RFC1: variants seen among roughly 807,000 people sequenced by gnomAD.
RFC1 encodes the protein A1 140 kDa subunit.
In RFC1, 37 loss-of-function variants were observed where a neutral mutation model predicts 137.4. The observed-to-expected ratio is 0.27, with a 90% confidence interval of 0.21 to 0.35. The LOEUF (loss-of-function observed/expected upper bound fraction) is 0.35, where lower values mean the gene tolerates loss of function less well. Among genes scored for constraint, RFC1 ranks in the 10% least tolerant of loss-of-function variants. The probability of loss-of-function intolerance (pLI) is 1.00; values close to 1 mark genes in which losing one functional copy is unlikely to be tolerated. For synonymous variants in RFC1, 429 were observed against 455.7 expected (o/e 0.94, Z 0.75); for missense variants, 1,205 against 1,358.5 (o/e 0.89, Z 1.78).
At chr4:39,359,735 T>C (rs890598806) in intron 1 of RFC1, among the ~76,000 whole-genome samples, 1 of 149,892 alleles carries the variant, frequency 6.7e-6, no homozygotes, top group Admixed American at 6.7e-5. Flanking sequence ...GGCAGGAGAA[T>C]GGCATGAACC....
At chr4:39,292,686 G>GTGGTGTGCAGT (rs1737751656) in intron 22 of RFC1, among the ~76,000 whole-genome samples, 1 of 151,602 alleles carries the variant, frequency 6.6e-6, no homozygotes, top group Non-Finnish European at 1.5e-5. Context: ...TTGTTGCCCA[G>GTGGTGTGCAGT]GCTGGTGTGC....
At chr4:39,358,872 A>C (rs1045192095) in intron 1 of RFC1, among the ~76,000 whole-genome samples, 2 of 152,192 alleles carry the variant, frequency 1.3e-5, no homozygotes, top group Admixed American at 1.3e-4. Context: ...ACTTAACCCC[A>C]GTACCACTTA....
At chr4:39,364,657 A>G (rs1741931789) in intron 1 of RFC1, among the ~76,000 whole-genome samples, 2 of 152,208 alleles carry the variant, frequency 1.3e-5, no homozygotes, top group Admixed American at 1.3e-4. Flanking sequence ...CCTTTCTGAG[A>G]AAATAGATCA....
intron 2 of RFC1, among the ~76,000 whole-genome samples, chr4:39,350,238 C>A (rs1741116900): frequency 6.6e-6 from 1 of 151,824 alleles, no homozygotes; most frequent in Non-Finnish European, 1.5e-5. Context: ...ATGAACAAGG[C>A]TCAATGATCC....
At chr4:39,306,784 A>C in intron 13 of RFC1, 83 bp from the exon 14 acceptor site, 1 of 766,526 alleles carries the variant, frequency 1.3e-6, no homozygotes, top group Non-Finnish European at 2.3e-6. Flanking sequence ...TTATGCCTAA[A>C]CTTCACATAG....
chr4:39,360,835 G>C (rs534972819), intron 1 of RFC1, among the ~76,000 whole-genome samples: 1 of 152,116 alleles, frequency 6.6e-6, no homozygotes, highest in African/African-American at 2.4e-5. Context: ...GCTGCAGAGC[G>C]GTTGACAAAA....
chr4:39,347,424 C>T (rs1332743253), intron 2 of RFC1, among the ~76,000 whole-genome samples: 2 of 152,198 alleles, frequency 1.3e-5, no homozygotes. Context: ...AACATCAGCT[C>T]TACCAATTCT....
intron 22 of RFC1, among the ~76,000 whole-genome samples, chr4:39,294,757 C>T (rs570434893): frequency 6.6e-6 from 1 of 152,096 alleles, no homozygotes; most frequent in Non-Finnish European, 1.5e-5. Context: ...AATCTCAACA[C>T]TTTGGGAGGC....
At chr4:39,298,269 T>C (rs1047557370) in intron 21 of RFC1, among the ~76,000 whole-genome samples, 2 of 137,682 alleles carry the variant, frequency 1.5e-5, no homozygotes, top group African/African-American at 5.2e-5. Context: ...GATCACACCA[T>C]TGCATTCCAG....
Position 39,295,757 on chromosome 4 carries a change from G to T in RFC1, c.2811C>A (p.Ala937=). 6.2e-7 allele frequency: 1 copy of T among 1,601,332 alleles called. No individual in the cohort carries two copies. The highest frequency in any genetic ancestry group is 8.5e-7 in the Non-Finnish European group (1 of 1,175,690). ...KQNWSLLPAQ[A]IYASVLPGEL... ...CTCCAGGAAGAACACTGGCATAAAT[G>T]GCCTGAAAAAAAATCAATTGCAGTC... is the stretch of plus-strand genomic sequence containing the variant. Residue 937 remains alanine, a splice_region_variant and synonymous_variant, in exon 22 of 25, where the codon GCC becomes GCA. Transcript: ENST00000349703.
chr4:39,340,019 A>C (rs2109725108), intron 4 of RFC1, among the ~76,000 whole-genome samples: 1 of 152,338 alleles, frequency 6.6e-6, no homozygotes, highest in Non-Finnish European at 1.5e-5. Flanking sequence ...TTAGACCCTA[A>C]GTCAGACCCT....
In RFC1 at chr4:39,323,443, T is replaced by C. The variant is rs55925552; in HGVS notation, c.643-26A>G. ...CTGTAAAATGTGTCAGCAAAGTGAGTTGAGTTGCTCTTTTTCTTTTCGTAA... is the reference window on the plus strand; with the variant it reads ...CTGTAAAATGTGTCAGCAAAGTGAGCTGAGTTGCTCTTTTTCTTTTCGTAA... On this transcript the variant is annotated intron_variant, in intron 6 of 24. Coordinates refer to ENST00000349703, the MANE Select transcript of RFC1 (RefSeq NM_002913.5). 53 of 1,596,382 alleles carry C rather than the reference T, an allele frequency of 3.3e-5. No individual in the cohort carries two copies. In the East Asian group the frequency reaches 4.7e-4, roughly 14 times the overall value.
At chr4:39,293,482 G>A (rs1372712281) in intron 22 of RFC1, among the ~76,000 whole-genome samples, 1 of 152,052 alleles carries the variant, frequency 6.6e-6, no homozygotes, top group Non-Finnish European at 1.5e-5. Context: ...TCCCAAAAAG[G>A]TTACAAACCA....
chr4:39,302,942 A>G, intron 16 of RFC1, 68 bp from the exon 17 acceptor site: 1 of 1,518,728 alleles, frequency 6.6e-7, no homozygotes, highest in Non-Finnish European at 9.1e-7. Context: ...AAGCTATTTT[A>G]GGTTCTAAAA....
rs375946576 is a variant in RFC1, at chr4:39,306,501, T to C, written c.1995+91A>G. The C allele has an allele frequency of 3.2e-5, 22 of 677,114 alleles. No homozygotes were observed. Among genetic ancestry groups the C allele is most frequent in the Middle Eastern group, 3.7e-4 (1 of 2,720 alleles). The allele number at this position is 677,114 out of a possible 1,614,324, so 41.9% of individuals were successfully genotyped here. A position where few individuals can be genotyped will look rare whatever the true frequency, so the allele number is the denominator to read the frequency against. On this transcript the variant is annotated intron_variant, in intron 14 of 24. Transcript: ENST00000349703. The stretch of plus-strand genomic sequence containing the variant: ...TATATATAGACACCACACACACACA[T>C]GCACACGCACAGATGTGGGTACACA...
In RFC1 at chr4:39,320,466, A is replaced by G; in HGVS notation, c.1012T>C (p.Ser338Pro). Residue 338 changes from serine to proline, a missense_variant, in exon 9 of 25, where the codon TCA (serine) becomes CCA (proline). By Grantham distance (74) the Ser-to-Pro change is moderately conservative. Coordinates refer to ENST00000349703, the MANE Select transcript of RFC1 (RefSeq NM_002913.5). ...SSYKEIEPVA[S>P]KRKENAIKLK... The stretch of plus-strand genomic sequence containing the variant: ...TTAATGGCATTTTCTTTTCTTTTTG[A>G]GGCCACAGGCTCTATTTCTTTATAA... 6.4e-7 allele frequency: 1 copy of G among 1,567,740 alleles called. No homozygotes were observed. The highest frequency in any genetic ancestry group is 1.9e-5 in the Admixed American group (1 of 53,502).
rs184726195 is a variant in RFC1, at chr4:39,333,956, T to C, written c.332-6200A>G. Reference sequence around the variant, plus strand: ...CATTGTGTTAAACAAAAAGTGCAAATAAGGCTCCTTTTCTCTGTTAACTAC... The same window carrying C: ...CATTGTGTTAAACAAAAAGTGCAAACAAGGCTCCTTTTCTCTGTTAACTAC... On this transcript the variant is annotated intron_variant, in intron 4 of 24. Coordinates refer to ENST00000349703, the MANE Select transcript of RFC1 (RefSeq NM_002913.5). 2.4e-4 allele frequency among the ~76,000 whole-genome samples: 37 copies of C among 152,204 alleles called. No individual in the cohort carries two copies. In the East Asian group the frequency reaches 5.0e-3, roughly 21 times the overall value.
chr4:39,296,199 G>C (rs1290653671), intron 21 of RFC1, among the ~76,000 whole-genome samples: 1 of 149,840 alleles, frequency 6.7e-6, no homozygotes, highest in Non-Finnish European at 1.5e-5. Flanking sequence ...TTTTAAAAAT[G>C]TAACCTTAGA....
intron 9 of RFC1, 32 bp from the exon 10 acceptor site, chr4:39,317,054 G>A: frequency 7.1e-7 from 1 of 1,398,868 alleles, no homozygotes. Flanking sequence ...AATGAACAAA[G>A]TCATACAGAA....
Sources: gnomAD v4.1 joint callset for allele counts (sites outside exome capture counted in the v4.1 genomes callset) on GRCh38, gnomAD v4.1.1 for gene constraint, MANE v1.5 for transcripts, NCBI Gene and HGNC (gene_info 2026-07-23, HGNC 2026-07-21) for gene names.